The following RCAN2 variants were observed in gnomAD, a reference collection of about 807,000 sequenced individuals.
RCAN2 encodes the protein calcipressin-2.
RCAN2 carries 9 observed loss-of-function variants against 23.6 expected under a neutral mutation model. The ratio of observed to expected loss-of-function variants is 0.38; its 90% CI spans 0.23 to 0.67. The LOEUF (loss-of-function observed/expected upper bound fraction) is 0.67, where lower values mean the gene tolerates loss of function less well. Among genes scored for constraint, RCAN2 ranks in the 30% least tolerant of loss-of-function variants. The probability of loss-of-function intolerance (pLI) is 0.51; values close to 1 mark genes in which losing one functional copy is unlikely to be tolerated. For missense variants in RCAN2, 273 were observed against 302.3 expected, an observed-to-expected ratio of 0.90 and a Z score of 0.72; for synonymous variants, 109 against 115.7, an observed-to-expected ratio of 0.94 and a Z score of 0.37.
intron 1 of RCAN2, among the ~76,000 whole-genome samples, chr6:46,481,764 T>A (rs1308254378): frequency 1.1e-5 from 1 of 92,122 alleles, no homozygotes; most frequent in Non-Finnish European, 2.4e-5. Context: ...AAAAAGTCAA[T>A]TTGCAACTAG....
chr6:46,361,912 A>G (rs1214690616), intron 2 of RCAN2, among the ~76,000 whole-genome samples: 1 of 152,210 alleles, frequency 6.6e-6, no homozygotes, highest in Admixed American at 6.5e-5. Context: ...TTTTATCTGA[A>G]CTTTTCAAAC....
intron 1 of RCAN2, among the ~76,000 whole-genome samples, chr6:46,467,487 A>G (rs536122994): frequency 1.3e-5 from 2 of 152,364 alleles, no homozygotes; most frequent in East Asian, 1.9e-4. Context: ...AACCATCTTA[A>G]GTTCTCAACA....
At chr6:46,363,024 CTAAGAATTATGCCTTTTGAAA>C (rs1355801400) in intron 2 of RCAN2, among the ~76,000 whole-genome samples, 2 of 152,040 alleles carry the variant, frequency 1.3e-5, no homozygotes, top group East Asian at 1.9e-4. Context: ...GTGGCATGCA[CTAAGAATTATGCCTTTTGAAA>C]TAAGAATTAT....
At chr6:46,244,486 C>T (rs1766442768) in intron 4 of RCAN2, among the ~76,000 whole-genome samples, 1 of 152,088 alleles carries the variant, frequency 6.6e-6, no homozygotes, top group Non-Finnish European at 1.5e-5. Flanking sequence ...CTGGAACTTG[C>T]CCCTAGCTTT....
At chr6:46,396,148 T>C (rs550473983) in intron 2 of RCAN2, among the ~76,000 whole-genome samples, 1 of 152,348 alleles carries the variant, frequency 6.6e-6, no homozygotes, top group African/African-American at 2.4e-5. Flanking sequence ...TCTTTTCTAC[T>C]TGATTGAATT....
At chr6:46,461,742 C>T (rs912423783) in intron 1 of RCAN2, among the ~76,000 whole-genome samples, 6 of 152,274 alleles carry the variant, frequency 3.9e-5, no homozygotes, top group East Asian at 1.9e-4. Context: ...TGTGCCACTA[C>T]GCCCAGCTAA....
chr6:46,323,757 A>G (rs1282129072), intron 2 of RCAN2, among the ~76,000 whole-genome samples: 2 of 152,236 alleles, frequency 1.3e-5, no homozygotes, highest in Non-Finnish European at 2.9e-5. Context: ...TTTGTCTTTA[A>G]AGAAACCTTC....
intron 2 of RCAN2, among the ~76,000 whole-genome samples, chr6:46,405,392 T>C (rs1193228791): frequency 6.6e-6 from 1 of 152,202 alleles, no homozygotes; most frequent in Non-Finnish European, 1.5e-5. Context: ...TTTTATTCTC[T>C]TATCTGGCTC....
chr6:46,323,016 C>T (rs1763665663), intron 2 of RCAN2, among the ~76,000 whole-genome samples: 1 of 152,096 alleles, frequency 6.6e-6, no homozygotes. Context: ...TACTGCTTTA[C>T]ATTAGATGAT....
intron 1 of RCAN2, among the ~76,000 whole-genome samples, chr6:46,483,791 T>C (rs1022257166): frequency 6.6e-6 from 1 of 152,242 alleles, no homozygotes; most frequent in Non-Finnish European, 1.5e-5. Context: ...AATAAATAGT[T>C]GCTTGTATGT....
intron 2 of RCAN2, among the ~76,000 whole-genome samples, chr6:46,431,474 A>G (rs938349019): frequency 2.6e-5 from 4 of 152,202 alleles, no homozygotes; most frequent in African/African-American, 9.7e-5. Flanking sequence ...GGGAAAAACA[A>G]TAGAAGTCCG....
chr6:46,244,868 T>C (rs1434037658), intron 4 of RCAN2, among the ~76,000 whole-genome samples: 3 of 152,266 alleles, frequency 2.0e-5, no homozygotes, highest in Non-Finnish European at 4.4e-5. Flanking sequence ...TGTGTCCTTG[T>C]CAATATCTGT....
intron 4 of RCAN2, among the ~76,000 whole-genome samples, chr6:46,240,421 A>G (rs1421024399): frequency 1.3e-5 from 2 of 152,166 alleles, no homozygotes; most frequent in African/African-American, 4.8e-5. Context: ...GATTAATGGA[A>G]TATATGCTGG....
At chr6:46,362,332 C>T (rs9381445) in intron 2 of RCAN2, among the ~76,000 whole-genome samples, 61,987 of 151,754 alleles carry the variant, frequency 0.41, 15,601 homozygotes, top group East Asian at 0.59. Flanking sequence ...GAATTTTCTG[C>T]AAATTGTAGA....
chr6:46,405,401 T>C (rs1766370167), intron 2 of RCAN2, among the ~76,000 whole-genome samples: 1 of 152,166 alleles, frequency 6.6e-6, no homozygotes, highest in Non-Finnish European at 1.5e-5. Flanking sequence ...CTTATCTGGC[T>C]CCACCCACAT....
At chr6:46,305,112 T>A (rs191097267) in intron 2 of RCAN2, among the ~76,000 whole-genome samples, 1 of 152,226 alleles carries the variant, frequency 6.6e-6, no homozygotes, top group East Asian at 1.9e-4. Flanking sequence ...GTTTGCAACC[T>A]GAGGACCTCA....
chr6:46,454,224 C>T (rs1038696264), intron 2 of RCAN2, among the ~76,000 whole-genome samples: 3 of 152,144 alleles, frequency 2.0e-5, no homozygotes, highest in Non-Finnish European at 4.4e-5. Context: ...AATATTCTGA[C>T]AGAATGGAGT....
chr6:46,379,753 C>T (rs1366766777), intron 2 of RCAN2, among the ~76,000 whole-genome samples: 2 of 152,136 alleles, frequency 1.3e-5, no homozygotes, highest in Admixed American at 1.3e-4. Context: ...GTAGAGAATC[C>T]AACCTTTAGA....
intron 4 of RCAN2, among the ~76,000 whole-genome samples, chr6:46,230,426 A>G (rs1375518923): frequency 6.6e-6 from 1 of 152,176 alleles, no homozygotes; most frequent in Non-Finnish European, 1.5e-5. Flanking sequence ...GGCTCCACCC[A>G]GTTTGAGCTT....
Sources: allele counts gnomAD v4.1 joint callset (sites outside exome capture counted in the v4.1 genomes callset), GRCh38; gene constraint gnomAD v4.1.1; transcripts MANE v1.5; gene names NCBI Gene and HGNC (gene_info 2026-07-23, HGNC 2026-07-21).